ESRRG: variants seen among roughly 807,000 people sequenced by gnomAD.
ESRRG encodes estrogen-related receptor gamma.
ESRRG carries 13 observed loss-of-function variants against 44.0 expected under a neutral mutation model. The ratio of observed to expected loss-of-function variants is 0.30; its 90% CI spans 0.19 to 0.47. ESRRG has a LOEUF of 0.47. ESRRG is among the 20% of genes least tolerant of loss of function. The pLI is 1.00. For synonymous variants in ESRRG, 215 were observed against 214.6 expected (o/e 1.00, Z -0.02); for missense variants, 395 against 580.6 (o/e 0.68, Z 3.29).
chr1:216,851,194 T>C (rs561820771), intron 2 of ESRRG, among the ~76,000 whole-genome samples: 2 of 152,002 alleles, frequency 1.3e-5, no homozygotes, highest in East Asian at 1.9e-4. Context: ...ATTAGAAAGA[T>C]AATTTTTTGT....
intron 2 of ESRRG, among the ~76,000 whole-genome samples, chr1:216,871,180 G>T (rs2096254612): frequency 6.6e-6 from 1 of 151,834 alleles, no homozygotes; most frequent in African/African-American, 2.4e-5. Context: ...TTTAATATGT[G>T]CATTTTCATT....
chr1:217,033,037 G>T (rs944850633), intron 1 of ESRRG, among the ~76,000 whole-genome samples: 2 of 152,226 alleles, frequency 1.3e-5, no homozygotes, highest in African/African-American at 4.8e-5. Context: ...GATTAAAAGG[G>T]GGTGCACCTA....
At chr1:217,005,331 G>A (rs1217489009) in intron 1 of ESRRG, among the ~76,000 whole-genome samples, 1 of 152,066 alleles carries the variant, frequency 6.6e-6, no homozygotes, top group Non-Finnish European at 1.5e-5. Context: ...GGCATAAGCT[G>A]GACAGTAAAT....
intron 3 of ESRRG, among the ~76,000 whole-genome samples, chr1:216,608,529 C>A (rs1367210111): frequency 2.6e-5 from 4 of 152,142 alleles, no homozygotes; most frequent in African/African-American, 9.7e-5. Context: ...TCCTGGAGCT[C>A]CTGGAGTTCA....
At chr1:216,954,781 G>T (rs1045189838) in intron 1 of ESRRG, among the ~76,000 whole-genome samples, 7 of 152,284 alleles carry the variant, frequency 4.6e-5, no homozygotes, top group Non-Finnish European at 8.8e-5. Context: ...AGGCAGAGGA[G>T]TAAGTTGTGA....
At chr1:216,861,914 A>T (rs1321039043) in intron 2 of ESRRG, among the ~76,000 whole-genome samples, 1 of 152,188 alleles carries the variant, frequency 6.6e-6, no homozygotes, top group African/African-American at 2.4e-5. Flanking sequence ...CAAGGAAGAT[A>T]TATGAATGAT....
At chr1:216,702,407 A>T (rs2081543523) in intron 1 of ESRRG, among the ~76,000 whole-genome samples, 1 of 152,108 alleles carries the variant, frequency 6.6e-6, no homozygotes, top group Admixed American at 6.6e-5. Flanking sequence ...AACCCACTCT[A>T]GACTTCCCCC....
At chr1:216,683,278 C>T (rs376716221) in intron 1 of ESRRG, among the ~76,000 whole-genome samples, 28 of 152,280 alleles carry the variant, frequency 1.8e-4, no homozygotes, top group African/African-American at 4.8e-4. Flanking sequence ...CTGACCCACA[C>T]GCTCAGAAAG....
At chr1:216,682,828 T>C (rs1477064696) in intron 1 of ESRRG, among the ~76,000 whole-genome samples, 1 of 151,540 alleles carries the variant, frequency 6.6e-6, no homozygotes, top group Admixed American at 6.6e-5. Context: ...GCAGCTCCCA[T>C]GGCAGCCTGA....
intron 3 of ESRRG, among the ~76,000 whole-genome samples, chr1:216,568,473 A>T (rs2060084288): frequency 6.6e-6 from 1 of 152,168 alleles, no homozygotes; most frequent in South Asian, 2.1e-4. Context: ...CTGAAAGCTC[A>T]ATGTGTAGGA....
At chr1:216,794,351 G>A (rs955582432) in intron 2 of ESRRG, among the ~76,000 whole-genome samples, 5 of 152,136 alleles carry the variant, frequency 3.3e-5, no homozygotes, top group Non-Finnish European at 5.9e-5. Flanking sequence ...GGGGGAATCC[G>A]GGAGTAAATA....
intron 1 of ESRRG, among the ~76,000 whole-genome samples, chr1:217,124,991 T>C (rs547690168): frequency 1.3e-5 from 2 of 152,230 alleles, no homozygotes; most frequent in African/African-American, 2.4e-5. Context: ...GTCTTAACCA[T>C]CACCCAGCTG....
chr1:216,629,599 G>C (rs1419244), intron 3 of ESRRG, among the ~76,000 whole-genome samples: 1 of 152,110 alleles, frequency 6.6e-6, no homozygotes, highest in Admixed American at 6.5e-5. Context: ...CAAGTGTGTA[G>C]ATGCTGCAAT....
At chr1:216,536,540 T>C (rs2051018674) in intron 5 of ESRRG, among the ~76,000 whole-genome samples, 1 of 152,112 alleles carries the variant, frequency 6.6e-6, no homozygotes, top group South Asian at 2.1e-4. Flanking sequence ...ATGATTTCCC[T>C]GACTCAAGTC....
intron 2 of ESRRG, among the ~76,000 whole-genome samples, chr1:216,867,718 T>C (rs1254246126): frequency 2.0e-5 from 3 of 152,334 alleles, no homozygotes; most frequent in Admixed American, 6.5e-5. Context: ...TGTAATTCCA[T>C]GGTGCTAAGG....
At chr1:216,728,988 A>G (rs1458346054) in intron 2 of ESRRG, among the ~76,000 whole-genome samples, 1 of 152,160 alleles carries the variant, frequency 6.6e-6, no homozygotes, top group African/African-American at 2.4e-5. Flanking sequence ...GACCTGGAAG[A>G]AGGTTTTAGA....
intron 5 of ESRRG, among the ~76,000 whole-genome samples, chr1:216,528,241 C>T (rs1176800539): frequency 6.6e-6 from 1 of 152,164 alleles, no homozygotes; most frequent in Non-Finnish European, 1.5e-5. Context: ...ATGCTCTTTT[C>T]TTATAAGTGC....
chr1:216,883,071 G>A (rs191592015), intron 2 of ESRRG, among the ~76,000 whole-genome samples: 1 of 152,186 alleles, frequency 6.6e-6, no homozygotes, highest in Admixed American at 6.5e-5. Flanking sequence ...CCTAAGCAGG[G>A]TTTGCTCTTA....
chr1:216,792,944 A>G (rs1281825787), intron 2 of ESRRG, among the ~76,000 whole-genome samples: 3 of 152,214 alleles, frequency 2.0e-5, no homozygotes, highest in Non-Finnish European at 4.4e-5. Flanking sequence ...GCAGATAGGA[A>G]TATGATCAGT....
Sources: gnomAD v4.1 joint callset for allele counts (sites outside exome capture counted in the v4.1 genomes callset) on GRCh38, gnomAD v4.1.1 for gene constraint, MANE v1.5 for transcripts, NCBI Gene and HGNC (gene_info 2026-07-23, HGNC 2026-07-21) for gene names.